The following SHROOM3 variants were observed in gnomAD, a reference collection of about 807,000 sequenced individuals.
SHROOM3 encodes protein Shroom3.
In SHROOM3, 47 loss-of-function variants were observed where a neutral mutation model predicts 138.6. The observed-to-expected ratio is 0.34, with a 90% CI of 0.27 to 0.43. The LOEUF (loss-of-function observed/expected upper bound fraction) is 0.43. Ranked by LOEUF, SHROOM3 falls within the 20% of genes least tolerant of loss-of-function variation. The pLI is 1.00. For synonymous variants in SHROOM3, 1,062 were observed against 1,063.3 expected, an observed-to-expected ratio of 1.00 and a Z score of 0.02; for missense variants, 2,491 against 2,596.5, an observed-to-expected ratio of 0.96 and a Z score of 0.88.
At chr4:76,763,255 C>T (rs770071255) in intron 9 of SHROOM3, among the ~76,000 whole-genome samples, 2 of 151,888 alleles carry the variant, frequency 1.3e-5, no homozygotes, top group Non-Finnish European at 2.9e-5. Flanking sequence ...GGTGTGTTGG[C>T]GCACAACTGT....
At chr4:76,514,562 A>G (rs1321358420) in intron 1 of SHROOM3, among the ~76,000 whole-genome samples, 1 of 152,174 alleles carries the variant, frequency 6.6e-6, no homozygotes, top group African/African-American at 2.4e-5. Flanking sequence ...ATGTTCTGAA[A>G]TTAGATAGTG....
chr4:76,486,752 G>A (rs1017744372), intron 1 of SHROOM3, among the ~76,000 whole-genome samples: 3 of 151,978 alleles, frequency 2.0e-5, no homozygotes, highest in African/African-American at 7.3e-5. Context: ...CAGCCCTAGT[G>A]GTAATCATTT....
chr4:76,666,058 A>G (rs1023518987), intron 2 of SHROOM3, among the ~76,000 whole-genome samples: 3 of 152,216 alleles, frequency 2.0e-5, no homozygotes, highest in African/African-American at 4.8e-5. Context: ...TAGGACCCCT[A>G]TGGATTACTG....
chr4:76,550,752 A>G (rs962255253), intron 1 of SHROOM3, among the ~76,000 whole-genome samples: 1 of 152,038 alleles, frequency 6.6e-6, no homozygotes, highest in South Asian at 2.1e-4. Flanking sequence ...TAATCCCAGA[A>G]CTTTGGGAGG....
At chr4:76,589,837 G>T (rs912059973) in intron 2 of SHROOM3, among the ~76,000 whole-genome samples, 1 of 152,182 alleles carries the variant, frequency 6.6e-6, no homozygotes, top group African/African-American at 2.4e-5. Context: ...TTATTTCTCA[G>T]TTGTTTATTA....
chr4:76,653,479 C>T (rs1443129664), intron 2 of SHROOM3, among the ~76,000 whole-genome samples: 1 of 151,722 alleles, frequency 6.6e-6, no homozygotes, highest in Non-Finnish European at 1.5e-5. Flanking sequence ...ATTCTAGATA[C>T]ATGACATATG....
In SHROOM3 at chr4:76,739,240, T is replaced by C. The variant is rs200716219; in HGVS notation, c.1067T>C (p.Val356Ala). The change falls in exon 5 of 11, where the codon GTG (valine) becomes GCG (alanine). Residue 356 changes from valine to alanine, a missense_variant. This residue lies in a region of SHROOM3 where 1,733 missense variants were observed against 1,661.6 expected (regional missense o/e 1.04). Transcript: ENST00000296043. Reference protein sequence around the residue: ...KWSNIPRGKGVPPPSWSQQCP... With the variant: ...KWSNIPRGKGAPPPSWSQQCP... The stretch of plus-strand genomic sequence containing the variant: ...TCTAATATTCCTCGGGGCAAGGGAG[T>C]GCCACCCCCATCCTGGAGCCAGCAG... 1.3e-4 allele frequency: 212 copies of C among 1,613,608 alleles called. 1 individual carries two copies. Among genetic ancestry groups the C allele is most frequent in the Non-Finnish European group, 1.6e-4 (189 of 1,179,958 alleles).
At chr4:76,755,771 T>C (rs890443464) in intron 7 of SHROOM3, among the ~76,000 whole-genome samples, 8 of 152,178 alleles carry the variant, frequency 5.3e-5, no homozygotes, top group African/African-American at 1.9e-4. Context: ...TCACTCCATG[T>C]CCATAGGGAG....
intron 1 of SHROOM3, among the ~76,000 whole-genome samples, chr4:76,506,505 G>A (rs766894104): frequency 2.6e-5 from 4 of 152,156 alleles, no homozygotes; most frequent in African/African-American, 7.2e-5. Context: ...AGGGGGCCTG[G>A]AACCAATCCC....
intron 1 of SHROOM3, among the ~76,000 whole-genome samples, chr4:76,453,838 C>G (rs1730975183): frequency 6.6e-6 from 1 of 152,178 alleles, no homozygotes. Flanking sequence ...TGCCTTTTTA[C>G]TCTGCGGATA....
chr4:76,575,992 G>A (rs574202497), intron 2 of SHROOM3, among the ~76,000 whole-genome samples: 6 of 152,108 alleles, frequency 3.9e-5, no homozygotes, highest in Admixed American at 3.3e-4. Flanking sequence ...CAAAAGACAG[G>A]CAGTAACAAA....
chr4:76,721,682 G>A (rs1720557313), intron 3 of SHROOM3, among the ~76,000 whole-genome samples: 1 of 152,160 alleles, frequency 6.6e-6, no homozygotes, highest in South Asian at 2.1e-4. Flanking sequence ...AGCTGAATAT[G>A]TATTGTTGAG....
At chr4:76,668,811 C>T (rs192362220) in intron 2 of SHROOM3, among the ~76,000 whole-genome samples, 1 of 152,178 alleles carries the variant, frequency 6.6e-6, no homozygotes, top group Non-Finnish European at 1.5e-5. Context: ...AGGGAAGCTG[C>T]TTCGTTACTC....
rs1429109280 is a variant in SHROOM3, at chr4:76,689,661, C to T, written c.324-20495C>T. ...TTGAACTTGGCGTCGGCCTGGAGCC[C>T]CGAGCAGCCCGGGGGCGGCGGCCGC... On this transcript the variant is annotated intron_variant, in intron 2 of 10. Coordinates refer to ENST00000296043, the MANE Select transcript of SHROOM3 (RefSeq NM_020859.4). The T allele has an allele frequency of 8.1e-6, 8 of 985,354 alleles. No homozygotes were observed. The African/African-American group carries it at 1.0e-4, about 13-fold the overall frequency. The allele number at this position is 985,354 out of a possible 1,614,324, so 61.0% of individuals were successfully genotyped here. A position where few individuals can be genotyped will look rare whatever the true frequency, so the allele number is the denominator to read the frequency against.
At chr4:76,703,538 ATCT>A (rs1435791325) in intron 2 of SHROOM3, among the ~76,000 whole-genome samples, 2 of 152,200 alleles carry the variant, frequency 1.3e-5, no homozygotes, top group African/African-American at 2.4e-5. Flanking sequence ...ACTTCTTAAA[ATCT>A]TCTTCAGACA....
At chr4:76,770,340 A>AC (rs1560623460) in intron 9 of SHROOM3, among the ~76,000 whole-genome samples, 1 of 148,950 alleles carries the variant, frequency 6.7e-6, no homozygotes. Flanking sequence ...AAAAAAAAAA[A>AC]AAAAAAAAAA....
chr4:76,576,904 A>T (rs1019266203), intron 2 of SHROOM3, among the ~76,000 whole-genome samples: 1 of 152,258 alleles, frequency 6.6e-6, no homozygotes, highest in East Asian at 1.9e-4. Flanking sequence ...GACTTTGGTG[A>T]TTAAAGCAAA....
intron 3 of SHROOM3, among the ~76,000 whole-genome samples, chr4:76,719,912 G>A (rs13132537): frequency 0.076 from 11,503 of 152,152 alleles, 519 homozygotes; most frequent in Non-Finnish European, 0.1. Context: ...GTGTTACAGC[G>A]TTATGACTGC....
At chr4:76,516,624 C>T (rs1426516161) in intron 1 of SHROOM3, among the ~76,000 whole-genome samples, 1 of 152,056 alleles carries the variant, frequency 6.6e-6, no homozygotes, top group African/African-American at 2.4e-5. Context: ...AAATCACCAG[C>T]TAATAGATAT....
Sources: gnomAD v4.1 joint callset for allele counts (sites outside exome capture counted in the v4.1 genomes callset) on GRCh38, gnomAD v4.1.1 for gene constraint, gnomAD v4.1.1 regional missense constraint, MANE v1.5 for transcripts, NCBI Gene and HGNC (gene_info 2026-07-23, HGNC 2026-07-21) for gene names.